The following NAV2 variants were observed in gnomAD, a reference collection of about 807,000 sequenced individuals.
The protein encoded by NAV2 is neuron navigator 2, also known as helicase, APC down-regulated 1.
In NAV2, 54 loss-of-function variants were observed where a neutral mutation model predicts 223.2. That is an observed-to-expected ratio of 0.24 (90% CI 0.19 to 0.30). The LOEUF (loss-of-function observed/expected upper bound fraction) is 0.30. Ranked by LOEUF, NAV2 falls within the 10% of genes least tolerant of loss-of-function variation. The pLI is 1.00. For synonymous variants in NAV2, 1,279 were observed against 1,239.3 expected, an observed-to-expected ratio of 1.03 and a Z score of -0.67; for missense variants, 2,806 against 3,147.5, an observed-to-expected ratio of 0.89 and a Z score of 2.60.
At chr11:20,011,371 C>T (rs568702144) in intron 11 of NAV2, among the ~76,000 whole-genome samples, 5 of 152,200 alleles carry the variant, frequency 3.3e-5, no homozygotes, top group East Asian at 3.9e-4. Context: ...AGAAATCTAT[C>T]GTTAACACCG....
intron 1 of NAV2, among the ~76,000 whole-genome samples, chr11:19,643,081 G>A (rs1307466580): frequency 1.3e-5 from 2 of 152,052 alleles, no homozygotes; most frequent in Non-Finnish European, 1.5e-5. Context: ...GCATACAGGG[G>A]GAATCACTAT....
rs562893036 is a variant in NAV2 at position 19,978,133 on chromosome 11, T to C, written c.2646-5992T>C. ...AGCCACCACACCCAGCAAGGTCAGT[T>C]TTTTTTTCAAAAGGATGCAGGCAGC... On this transcript the variant is annotated intron_variant, in intron 10 of 37. Coordinates refer to ENST00000349880, the MANE Select transcript of NAV2 (RefSeq NM_145117.5). Among the ~76,000 whole-genome samples the C allele has an allele frequency of 4.2e-3, 639 of 151,928 alleles. 2 individuals carry two copies. Among genetic ancestry groups the C allele is most frequent in the African/African-American group, 0.015 (609 of 41,406 alleles).
chr11:19,789,839 A>G (rs1261855100), intron 1 of NAV2, among the ~76,000 whole-genome samples: 2 of 152,196 alleles, frequency 1.3e-5, no homozygotes, highest in South Asian at 4.1e-4. Context: ...TGTAAGAAGC[A>G]TGGAGAAGTA....
chr11:19,902,627 T>A (rs1648248689), intron 6 of NAV2, among the ~76,000 whole-genome samples: 1 of 152,246 alleles, frequency 6.6e-6, no homozygotes, highest in Non-Finnish European at 1.5e-5. Flanking sequence ...TTTCTCTTGC[T>A]TCCATCTGTT....
intron 1 of NAV2, among the ~76,000 whole-genome samples, chr11:19,389,060 G>T (rs1323915539): frequency 1.3e-5 from 2 of 152,130 alleles, no homozygotes; most frequent in African/African-American, 4.8e-5. Context: ...CCTCTCTCCG[G>T]CTATGCTTTG....
At chr11:19,982,548 C>T (rs1175432565) in intron 10 of NAV2, among the ~76,000 whole-genome samples, 1 of 152,146 alleles carries the variant, frequency 6.6e-6, no homozygotes, top group East Asian at 1.9e-4. Flanking sequence ...GCATTTTCAG[C>T]ACAAGCACAA....
At position 20,032,618 on chromosome 11, in the gene NAV2, A is replaced by G. The variant is rs182107075; in HGVS notation, c.2769-3341A>G. ...AAAGAGCAGATGCAAGAAAAGACAC[A>G]TGAGATTTTCTTTTAATCACTAGAA... On this transcript the variant is annotated intron_variant, in intron 11 of 37. Transcript: ENST00000349880. 3.6e-4 allele frequency among the ~76,000 whole-genome samples: 55 copies of G among 152,320 alleles called. 1 individual carries two copies. In the East Asian group the frequency reaches 4.2e-3, roughly 12 times the overall value.
intron 1 of NAV2, among the ~76,000 whole-genome samples, chr11:19,386,480 T>C (rs1405298545): frequency 6.6e-6 from 1 of 152,216 alleles, no homozygotes; most frequent in African/African-American, 2.4e-5. Context: ...AGTGAATGCC[T>C]GTTGAATCTG....
chr11:19,386,423 G>T (rs1849044069), intron 1 of NAV2, among the ~76,000 whole-genome samples: 1 of 152,164 alleles, frequency 6.6e-6, no homozygotes, highest in Non-Finnish European at 1.5e-5. Flanking sequence ...TCATATGGTT[G>T]ATTTAAATGG....
chr11:19,704,666 C>G (rs996597980), intron 1 of NAV2, among the ~76,000 whole-genome samples: 6 of 152,158 alleles, frequency 3.9e-5, no homozygotes, highest in African/African-American at 1.4e-4. Context: ...CAGTTCTTAT[C>G]AGCATCATCA....
chr11:19,788,169 T>C (rs531466558), intron 1 of NAV2, among the ~76,000 whole-genome samples: 1 of 152,336 alleles, frequency 6.6e-6, no homozygotes, highest in Admixed American at 6.5e-5. Flanking sequence ...GATGACCATT[T>C]GGTATAGGGG....
chr11:19,780,350 C>T (rs1202257686), intron 1 of NAV2, among the ~76,000 whole-genome samples: 1 of 152,118 alleles, frequency 6.6e-6, no homozygotes, highest in Non-Finnish European at 1.5e-5. Flanking sequence ...TTCTGACATT[C>T]TTACCACCTT....
At chr11:19,650,541 A>G (rs1350210744) in intron 1 of NAV2, among the ~76,000 whole-genome samples, 2 of 152,188 alleles carry the variant, frequency 1.3e-5, no homozygotes, top group African/African-American at 4.8e-5. Context: ...AACACCACCC[A>G]CTGTATGACC....
At chr11:19,723,451 C>T (rs2050936229) in intron 1 of NAV2, among the ~76,000 whole-genome samples, 1 of 152,170 alleles carries the variant, frequency 6.6e-6, no homozygotes, top group African/African-American at 2.4e-5. Context: ...TAACCACTGC[C>T]TTCTTTTGCC....
intron 1 of NAV2, among the ~76,000 whole-genome samples, chr11:19,595,019 A>G (rs1014692879): frequency 1.3e-5 from 2 of 152,176 alleles, no homozygotes; most frequent in Non-Finnish European, 2.9e-5. Flanking sequence ...GCAAGTTTAT[A>G]TGGGAGGGGA....
At chr11:19,657,807 G>T (rs2048169865) in intron 1 of NAV2, among the ~76,000 whole-genome samples, 1 of 152,144 alleles carries the variant, frequency 6.6e-6, no homozygotes, top group Admixed American at 6.5e-5. Flanking sequence ...ACAAGCAACA[G>T]ATCCAGGCAA....
intron 1 of NAV2, among the ~76,000 whole-genome samples, chr11:19,516,433 G>A (rs2043449909): frequency 6.6e-6 from 1 of 152,184 alleles, no homozygotes; most frequent in Admixed American, 6.5e-5. Context: ...GGATAAAAGA[G>A]GCTTAAGTTG....
intron 1 of NAV2, among the ~76,000 whole-genome samples, chr11:19,801,167 C>T (rs1590622392): frequency 6.6e-6 from 1 of 152,348 alleles, no homozygotes; most frequent in South Asian, 2.1e-4. Context: ...GATGTGGCAG[C>T]CAGACAGGTC....
chr11:20,098,598 G>A (rs1194060648), intron 31 of NAV2, among the ~76,000 whole-genome samples: 1 of 152,180 alleles, frequency 6.6e-6, no homozygotes, highest in African/African-American at 2.4e-5. Context: ...TGTATTTCCT[G>A]GTTGGTAGAA....
Sources: gnomAD v4.1 joint callset for allele counts (sites outside exome capture counted in the v4.1 genomes callset) on GRCh38, gnomAD v4.1.1 for gene constraint, MANE v1.5 for transcripts, NCBI Gene and HGNC (gene_info 2026-07-23, HGNC 2026-07-21) for gene names.